Variants in CRACDL observed in about 807,000 individuals in gnomAD.
CRACDL encodes the protein CRACD-like protein.
In CRACDL, 26 loss-of-function variants were observed where a neutral mutation model predicts 70.6. That is an observed-to-expected ratio of 0.37 (90% CI 0.27 to 0.51). The LOEUF (loss-of-function observed/expected upper bound fraction) is 0.51, where lower values mean the gene tolerates loss of function less well. Ranked by LOEUF, CRACDL falls within the 20% of genes least tolerant of loss-of-function variation. CRACDL has a pLI of 0.94. For synonymous variants in CRACDL, 618 were observed against 615.2 expected, an observed-to-expected ratio of 1.00 and a Z score of -0.07; for missense variants, 1,283 against 1,376.9, an observed-to-expected ratio of 0.93 and a Z score of 1.08.
intron 1 of CRACDL, among the ~76,000 whole-genome samples, chr2:98,865,919 G>A (rs4603820): frequency 1.3e-5 from 2 of 150,616 alleles, no homozygotes; most frequent in African/African-American, 2.5e-5. Flanking sequence ...TCCTGCCTCA[G>A]CCTCCTGGGC....
At position 98,823,624 on chromosome 2, in the gene CRACDL, G is replaced by A; in HGVS notation, c.736-87C>T. The A allele has an allele frequency of 5.4e-6, 8 of 1,481,418 alleles. No homozygotes were observed. Among genetic ancestry groups the A allele is most frequent in the Non-Finnish European group, 7.3e-6 (8 of 1,098,872 alleles). 91.8% of individuals were successfully genotyped at this position (1,481,418 alleles called of 1,614,324 possible). On this transcript the variant is annotated intron_variant, in intron 6 of 9. Transcript: ENST00000397899. This position sits in a 1 kb window ranked among gnomAD's most constrained non-coding sequence, Gnocchi z 4.0. ...CCCCACTTTTTTCAAGGCTTATAAT[G>A]GTTTAGTGATAGCAGCACTATAAAG... is the stretch of plus-strand genomic sequence containing the variant.
chr2:98,838,367 AAGAG>A, intron 2 of CRACDL, 80 bp from the exon 3 acceptor site: 1 of 759,932 alleles, frequency 1.3e-6, no homozygotes. Context: ...AGGCACGTAA[AAGAG>A]AGAAAGCAAG....
rs778057731 is a variant in CRACDL, at chr2:98,832,821, T to C, written c.375+41A>G. The C allele has an allele frequency of 1.9e-5, 30 of 1,610,856 alleles. No homozygotes were observed. The East Asian group carries it at 4.0e-4, about 22-fold the overall frequency. On this transcript the variant is annotated intron_variant, in intron 4 of 9. Transcript: ENST00000397899. Reference sequence around the variant, plus strand: ...CATTTAAAAACTTCTTGATGGATATTTGACTTGCACACCAGGCGACATGAC... The same window carrying C: ...CATTTAAAAACTTCTTGATGGATATCTGACTTGCACACCAGGCGACATGAC...
At chr2:98,819,925 T>G (rs1247807591) in intron 7 of CRACDL, among the ~76,000 whole-genome samples, 3 of 149,758 alleles carry the variant, frequency 2.0e-5, no homozygotes, top group Non-Finnish European at 4.4e-5. Flanking sequence ...GTTCAAGCGA[T>G]TCTCCTGGCT....
chr2:98,912,367 CTG>C (rs1708564917), intron 1 of CRACDL, among the ~76,000 whole-genome samples: 1 of 152,244 alleles, frequency 6.6e-6, no homozygotes, highest in Non-Finnish European at 1.5e-5. Flanking sequence ...CTCTGCTAGA[CTG>C]TGAGCAGTGA....
In CRACDL at chr2:98,822,313, G is replaced by A. The variant is rs1295729567; in HGVS notation, c.1960C>T (p.Pro654Ser). The A allele has an allele frequency of 1.3e-6, 2 of 1,496,626 alleles. No individual in the cohort carries two copies. Among genetic ancestry groups the A allele is most frequent in the Non-Finnish European group, 1.8e-6 (2 of 1,133,374 alleles). The allele number at this position is 1,496,626 out of a possible 1,614,324, so 92.7% of individuals were successfully genotyped here. Residue 654 changes from proline (P) to serine (S), a missense_variant, in exon 7 of 10, where the codon CCT (proline) becomes TCT (serine). Coordinates refer to ENST00000397899, the MANE Select transcript of CRACDL (RefSeq NM_207362.3). The surrounding 1 kb of genome is among the most constrained non-coding windows in gnomAD (Gnocchi z 4.9). ...CCGGGCGCGGCGGCCGCCTCCTGAG[G>A]GCTCTTGCGCGGCCCGGCCGGGCTG... ...AASPAGPRKS[P>S]QEAAAAPGTR...
At chr2:98,861,846 G>A (rs1285042325) in intron 1 of CRACDL, among the ~76,000 whole-genome samples, 3 of 152,176 alleles carry the variant, frequency 2.0e-5, no homozygotes, top group Admixed American at 6.5e-5. Context: ...CTCCATGCAT[G>A]TGTTCCAGGA....
chr2:98,879,955 T>C (rs1707598168), intron 1 of CRACDL, among the ~76,000 whole-genome samples: 2 of 152,236 alleles, frequency 1.3e-5, no homozygotes, highest in Non-Finnish European at 2.9e-5. Flanking sequence ...ATTTAGCACA[T>C]AATGACTTCT....
At chr2:98,869,683 C>T (rs925885) in intron 1 of CRACDL, among the ~76,000 whole-genome samples, 5,481 of 152,286 alleles carry the variant, frequency 0.036, 304 homozygotes, top group East Asian at 0.13. Context: ...ACCACCCGGC[C>T]CCTCCTGCCT....
Position 98,822,081 on chromosome 2 carries a change from C to T in CRACDL, c.2192G>A (p.Gly731Glu). ...VLPKEEKCPL[G>E]TAPALRGTRA... ...GGTGCCTCGAAGGGCGGGGGCCGTC[C>T]CGAGGGGACACTTCTCCTCCTTCGG... Residue 731 changes from glycine (G) to glutamate (E), a missense_variant, in exon 7 of 10, where the codon GGG becomes GAG. Around this residue, in one of 2 missense-constraint regions of CRACDL, gnomAD observed 921 missense variants for 881.9 expected, o/e 1.04. Transcript: ENST00000397899. The surrounding 1 kb of genome is among the most constrained non-coding windows in gnomAD (Gnocchi z 4.9). The T allele has an allele frequency of 6.4e-7, 1 of 1,556,464 alleles. No homozygotes were observed. Among genetic ancestry groups the T allele is most frequent in the Admixed American group, 1.9e-5 (1 of 51,640 alleles).
chr2:98,833,088 C>A, intron 3 of CRACDL, 91 bp from the exon 4 acceptor site: 4 of 1,217,680 alleles, frequency 3.3e-6, no homozygotes, highest in Non-Finnish European at 4.6e-6. Context: ...TGTGAGTGAA[C>A]AGAACATCAA....
At chr2:98,807,830 G>T (rs1201625736) in intron 7 of CRACDL, among the ~76,000 whole-genome samples, 1 of 152,220 alleles carries the variant, frequency 6.6e-6, no homozygotes, top group Non-Finnish European at 1.5e-5. Context: ...ATAGAGGGGG[G>T]CAGGCATACA....
chr2:98,873,940 AG>A, intron 1 of CRACDL, among the ~76,000 whole-genome samples: 1 of 152,354 alleles, frequency 6.6e-6, no homozygotes, highest in Non-Finnish European at 1.5e-5. Flanking sequence ...CAGGAGGCAG[AG>A]GTTGCAGTGA....
At chr2:98,894,344 G>T (rs978343755) in intron 1 of CRACDL, among the ~76,000 whole-genome samples, 5 of 151,964 alleles carry the variant, frequency 3.3e-5, no homozygotes, top group Admixed American at 6.5e-5. Flanking sequence ...GAGCGTCAAT[G>T]TGAATTAGCA....
intron 1 of CRACDL, among the ~76,000 whole-genome samples, chr2:98,887,475 A>G (rs1282375054): frequency 6.6e-6 from 1 of 152,126 alleles, no homozygotes; most frequent in Non-Finnish European, 1.5e-5. Context: ...GTGACAAAGA[A>G]AAAAAGAAAA....
intron 5 of CRACDL, among the ~76,000 whole-genome samples, chr2:98,832,031 T>A (rs1008692826): frequency 3.3e-5 from 5 of 152,138 alleles, no homozygotes; most frequent in Non-Finnish European, 7.3e-5. Context: ...GTTTCCCTAC[T>A]TCTAATGGGG....
chr2:98,797,944 A>G (rs1703900730), intron 7 of CRACDL, among the ~76,000 whole-genome samples: 2 of 152,212 alleles, frequency 1.3e-5, no homozygotes, highest in South Asian at 4.1e-4. Context: ...CTTGTCTTCT[A>G]AAAACTGTGA....
rs533850553 is a variant in CRACDL at position 98,934,979 on chromosome 2, C to T, written c.-11+959G>A. ...CGACACTGTCTCTAGATATCTTTCT[C>T]CTCACAATTTTATAACCTCAATAGG... On this transcript the variant is annotated intron_variant, in intron 1 of 9. Transcript: ENST00000397899. 1.2e-4 allele frequency among the ~76,000 whole-genome samples: 19 copies of T among 152,308 alleles called. 1 individual carries two copies. The South Asian group carries it at 3.9e-3, about 32-fold the overall frequency.
chr2:98,930,261 C>T (rs1199935807), intron 1 of CRACDL, among the ~76,000 whole-genome samples: 1 of 152,012 alleles, frequency 6.6e-6, no homozygotes, highest in Non-Finnish European at 1.5e-5. Context: ...ACAGGACACA[C>T]GGATGCTTTC....
Sources: gnomAD v4.1 joint callset for allele counts (sites outside exome capture counted in the v4.1 genomes callset) on GRCh38, gnomAD v4.1.1 for gene constraint, gnomAD v4.1.1 regional missense constraint, Gnocchi (gnomAD v3.1) non-coding constraint, MANE v1.5 for transcripts, NCBI Gene and HGNC (gene_info 2026-07-23, HGNC 2026-07-21) for gene names.